Variants in MMP8 observed in about 807,000 individuals in gnomAD.
The protein encoded by MMP8 is matrix metallopeptidase 8.
Under a neutral mutation model 51.2 loss-of-function variants are expected in MMP8, and 67 were observed. That is an observed-to-expected ratio of 1.31 (90% CI 1.08 to 1.60). MMP8 has a LOEUF of 1.60. MMP8 is among the 40% of genes most tolerant of loss of function. The probability of loss-of-function intolerance (pLI) is 0.00; values close to 1 mark genes in which losing one functional copy is unlikely to be tolerated. For synonymous variants in MMP8, 225 were observed against 191.0 expected, an observed-to-expected ratio of 1.18 and a Z score of -1.47; for missense variants, 654 against 558.1, an observed-to-expected ratio of 1.17 and a Z score of -1.73.
chr11:102,714,257 C>T (rs1325483845), intron 8 of MMP8, among the ~76,000 whole-genome samples: 1 of 152,192 alleles, frequency 6.6e-6, no homozygotes, highest in Non-Finnish European at 1.5e-5. Context: ...CTGAGTTGAA[C>T]TCATAAGTGA....
In MMP8 at chr11:102,721,770, A is replaced by G; in HGVS notation, c.348-8T>C. ...GGGGTATAGTTTCGAATCCTTCAAA[A>G]TGAGAGGATGTATGAAGAGTTAAAT... is the stretch of plus-strand genomic sequence containing the variant. On this transcript the variant is annotated splice_polypyrimidine_tract_variant and splice_region_variant and intron_variant, in intron 2 of 9. Coordinates refer to ENST00000236826, the MANE Select transcript of MMP8 (RefSeq NM_002424.3). 6.2e-7 allele frequency: 1 copy of G among 1,613,280 alleles called. No individual in the cohort carries two copies. Among genetic ancestry groups the G allele is most frequent in the Non-Finnish European group, 8.5e-7 (1 of 1,179,536 alleles).
chr11:102,715,197 G>T, intron 7 of MMP8, 107 bp downstream of exon 7: 1 of 1,381,386 alleles, frequency 7.2e-7, no homozygotes, highest in Non-Finnish European at 9.7e-7. Context: ...AGCCTGGCCA[G>T]CTTAATGCTG....
chr11:102,723,527 G>T (rs1389164178), intron 1 of MMP8: 1 of 456,170 alleles, frequency 2.2e-6, no homozygotes. Flanking sequence ...CATCTGGTTG[G>T]CTTCTGAGAT....
At chr11:102,716,205 T>C (rs148176769) in intron 6 of MMP8, 97 bp downstream of exon 6, 2 of 886,150 alleles carry the variant, frequency 2.3e-6, no homozygotes, top group East Asian at 2.6e-5. Flanking sequence ...AAGTATAGAA[T>C]TCAAGGAAAA....
rs201318491 is a variant in MMP8 at position 102,712,155 on chromosome 11, AG to A, written c.*1192del. On this transcript the variant is annotated 3_prime_UTR_variant, in exon 10 of 10. Coordinates refer to ENST00000236826, the MANE Select transcript of MMP8 (RefSeq NM_002424.3). ...CATTGAATTTTATGCAGCTAACCCA[AG>A]TTATCTATAGTGTGTGCCCTCCTGA... 4.1e-4 allele frequency: 62 copies of A among 152,316 alleles called. 1 individual carries two copies. The East Asian group carries it at 0.012, about 28-fold the overall frequency. The allele number at this position is 152,316 out of a possible 1,614,324, so 9.4% of individuals were successfully genotyped here.
At chr11:102,723,447 A>G (rs767892493) in intron 1 of MMP8, 36 of 442,132 alleles carry the variant, frequency 8.1e-5, no homozygotes, top group Non-Finnish European at 6.3e-5. Context: ...AAGCTGGGTA[A>G]CTTATACATA....
Position 102,721,767 on chromosome 11 carries a change from A to G in MMP8, c.348-5T>C. ...TGTGGGGTATAGTTTCGAATCCTTC[A>G]AAATGAGAGGATGTATGAAGAGTTA... On this transcript the variant is annotated splice_polypyrimidine_tract_variant and splice_region_variant and intron_variant, in intron 2 of 9. Transcript: ENST00000236826. 1 of 1,613,348 alleles carries G rather than the reference A, an allele frequency of 6.2e-7. No homozygotes were observed. Among genetic ancestry groups the G allele is most frequent in the Non-Finnish European group, 8.5e-7 (1 of 1,179,576 alleles).
intron 5 of MMP8, among the ~76,000 whole-genome samples, chr11:102,718,011 G>A (rs1013789699): frequency 6.6e-6 from 1 of 152,106 alleles, no homozygotes; most frequent in Admixed American, 6.5e-5. Context: ...AGAGGCTGAG[G>A]CAGGAGAATT....
intron 4 of MMP8, among the ~76,000 whole-genome samples, chr11:102,720,309 A>T (rs1376252414): frequency 6.6e-6 from 1 of 152,228 alleles, no homozygotes; most frequent in African/African-American, 2.4e-5. Context: ...AATTAGAGGG[A>T]GCACATACTG....
chr11:102,713,738 T>A lies in MMP8; in HGVS notation c.1294+16A>T, dbSNP rs761040707. 1.3e-6 allele frequency: 2 copies of A among 1,579,342 alleles called. No individual in the cohort carries two copies. The highest frequency in any genetic ancestry group is 2.3e-5 in the South Asian group (2 of 87,044). On this transcript the variant is annotated intron_variant, in intron 9 of 9. Coordinates refer to ENST00000236826, the MANE Select transcript of MMP8 (RefSeq NM_002424.3). ...AAACAAACAACACATTTATTAGGTT[T>A]TTTTTTCCTACTTACGTTCTTGCTG...
At chr11:102,722,350 C>T (rs1861497599) in intron 2 of MMP8, 79 bp downstream of exon 2, 2 of 1,440,916 alleles carry the variant, frequency 1.4e-6, no homozygotes, top group Admixed American at 4.2e-5. Context: ...CCTAGTGTAT[C>T]CCAAGAACAG....
chr11:102,721,300 A>G (rs1861460773), intron 4 of MMP8, 101 bp downstream of exon 4: 1 of 1,469,698 alleles, frequency 6.8e-7, no homozygotes, highest in Non-Finnish European at 9.1e-7. Context: ...GTGAGTTTGA[A>G]ATATTATGTT....
chr11:102,718,266 T>A (rs772221104), intron 5 of MMP8, 148 bp downstream of exon 5: 15 of 863,114 alleles, frequency 1.7e-5, no homozygotes, highest in Non-Finnish European at 1.9e-5. Flanking sequence ...CCTCACACCT[T>A]CTTTGTTAAT....
At chr11:102,724,023 C>G (rs2134319000) in intron 1 of MMP8, 1 of 194,528 alleles carries the variant, frequency 5.1e-6, no homozygotes, top group Non-Finnish European at 1.1e-5. Context: ...GTAGCAGTTG[C>G]CTTGCATAGA....
rs1861577214 is a variant in MMP8 at position 102,724,924 on chromosome 11, G to A, written c.-69C>T. 11 of 1,530,228 alleles carry A rather than the reference G, an allele frequency of 7.2e-6. No homozygotes were observed. Among genetic ancestry groups the A allele is most frequent in the East Asian group, 6.9e-5 (3 of 43,252 alleles). 94.8% of individuals were successfully genotyped at this position (1,530,228 alleles called of 1,614,324 possible). ...CCTCTGGGTAGGGCCCTTCCCTGGC[G>A]AGCACCCTGACGTTCACAGCATCAT... On this transcript the variant is annotated 5_prime_UTR_variant, in exon 1 of 10. Coordinates refer to ENST00000236826, the MANE Select transcript of MMP8 (RefSeq NM_002424.3).
chr11:102,718,287 T>G, intron 5 of MMP8, 127 bp downstream of exon 5: 1 of 993,568 alleles, frequency 1.0e-6, no homozygotes, highest in Non-Finnish European at 1.5e-6. Context: ...GCTTTATTAC[T>G]GGGGAAATTC....
Position 102,712,039 on chromosome 11 carries a change from T to C in MMP8, c.*1309A>G, listed in dbSNP as rs916743338. The stretch of plus-strand genomic sequence containing the variant: ...ATTTTGATATCTGGACTCGCTAGAC[T>C]TGGTCCCATAAATCCTATAGTTCTT... On this transcript the variant is annotated 3_prime_UTR_variant, in exon 10 of 10. Coordinates refer to ENST00000236826, the MANE Select transcript of MMP8 (RefSeq NM_002424.3). 7.2e-5 allele frequency: 11 copies of C among 152,218 alleles called. No individual in the cohort carries two copies. Among genetic ancestry groups the C allele is most frequent in the African/African-American group, 2.4e-4 (10 of 41,460 alleles). The allele number at this position is 152,218 out of a possible 1,614,324, so 9.4% of individuals were successfully genotyped here.
chr11:102,718,388 C>G (rs750422948), intron 5 of MMP8, 26 bp downstream of exon 5: 4 of 1,596,786 alleles, frequency 2.5e-6, no homozygotes, highest in Non-Finnish European at 3.4e-6. Context: ...CTACCATGTA[C>G]TATGACTCTC....
chr11:102,716,907 C>A (rs1178426606), intron 5 of MMP8, among the ~76,000 whole-genome samples: 1 of 152,004 alleles, frequency 6.6e-6, no homozygotes, highest in African/African-American at 2.4e-5. Context: ...GAATGAAAGG[C>A]TATAATAATA....
Sources: allele counts gnomAD v4.1 joint callset (sites outside exome capture counted in the v4.1 genomes callset), GRCh38; gene constraint gnomAD v4.1.1; transcripts MANE v1.5; gene names NCBI Gene and HGNC (gene_info 2026-07-23, HGNC 2026-07-21).